CYP3A4: variants seen among roughly 807,000 people sequenced by gnomAD.
The protein encoded by CYP3A4 is cytochrome P450 3A4.
Under a neutral mutation model 54.9 loss-of-function variants are expected in CYP3A4, and 41 were observed. The observed-to-expected ratio is 0.75, with a 90% confidence interval of 0.58 to 0.97. The LOEUF is 0.97. CYP3A4 is among the 50% of genes least tolerant of loss of function. CYP3A4 has a pLI of 0.00. For synonymous variants in CYP3A4, 179 were observed against 205.2 expected, an observed-to-expected ratio of 0.87 and a Z score of 1.09; for missense variants, 510 against 597.3, an observed-to-expected ratio of 0.85 and a Z score of 1.52.
At chr7:99,777,211 A>C (rs1359819679) in intron 3 of CYP3A4, among the ~76,000 whole-genome samples, 1 of 152,132 alleles carries the variant, frequency 6.6e-6, no homozygotes, top group Non-Finnish European at 1.5e-5. Flanking sequence ...AGCACATATT[A>C]GAAGGGTCTG....
rs755966203 is a variant in CYP3A4, at chr7:99,770,188, C to A, written c.366G>T (p.Glu122Asp). ...ATCGTAATCTCTTCCATTCTTCATC[C>A]TCAGCTATAGAGATGGCACTTTTCA... ...GFMKSAISIA[E>D]DEEWKRLRSL... The change falls in exon 5 of 13, where the codon GAG becomes GAT. Residue 122 changes from glutamate to aspartate, a missense_variant. Around this residue, in one of 2 missense-constraint regions of CYP3A4, gnomAD observed 272 missense variants for 274.9 expected, o/e 0.99. Transcript: ENST00000651514. The A allele has an allele frequency of 4.3e-6, 7 of 1,613,764 alleles. No individual in the cohort carries two copies. The highest frequency in any genetic ancestry group is 5.9e-6 in the Non-Finnish European group (7 of 1,179,800).
chr7:99,763,845 A>G lies in CYP3A4; in HGVS notation c.1026+10T>C. The G allele has an allele frequency of 6.2e-7, 1 of 1,613,930 alleles. No homozygotes were observed. The highest frequency in any genetic ancestry group is 8.5e-7 in the Non-Finnish European group (1 of 1,179,928). On this transcript the variant is annotated intron_variant, in intron 10 of 12. Transcript: ENST00000651514. ...CCTCCTCCCTCCTTCTCCATGTACC[A>G]TCCACTCACCTTATTGGGTAAAACT... is the stretch of plus-strand genomic sequence containing the variant.
intron 8 of CYP3A4, 79 bp from the exon 9 acceptor site, chr7:99,766,522 C>T: frequency 1.9e-6 from 3 of 1,573,078 alleles, no homozygotes; most frequent in Non-Finnish European, 2.6e-6. Context: ...GGTCCTTGAT[C>T]TCCCTTCTGA....
Position 99,778,409 on chromosome 7 carries a change from C to T in CYP3A4, c.166-329G>A, listed in dbSNP as rs187795883. On this transcript the variant is annotated intron_variant, in intron 2 of 12. Transcript: ENST00000651514. ...AATCTCATGAATCCCTGAATGATCA[C>T]CTCCAGGGGCACATGGGGAAACTGA... Among the ~76,000 whole-genome samples the T allele has an allele frequency of 4.6e-5, 7 of 152,278 alleles. No individual in the cohort carries two copies. The East Asian group carries it at 1.4e-3, about 29-fold the overall frequency.
chr7:99,781,428 A>G (rs1167778848), intron 1 of CYP3A4, among the ~76,000 whole-genome samples: 2 of 152,196 alleles, frequency 1.3e-5, no homozygotes, highest in Non-Finnish European at 2.9e-5. Flanking sequence ...GCATCTGCCC[A>G]TCAACTATCT....
intron 1 of CYP3A4, among the ~76,000 whole-genome samples, chr7:99,783,783 A>G (rs537518285): frequency 5.3e-5 from 8 of 151,758 alleles, no homozygotes; most frequent in Non-Finnish European, 1.2e-4. Context: ...TAATTTTTGT[A>G]TTTTTAGTAG....
chr7:99,770,000 A>G, intron 5 of CYP3A4, 122 bp downstream of exon 5: 1 of 1,536,800 alleles, frequency 6.5e-7, no homozygotes, highest in Non-Finnish European at 9.0e-7. Flanking sequence ...ATAAAAGACC[A>G]TTTTTAGGCA....
At chr7:99,776,957 A>G (rs1470589494) in intron 3 of CYP3A4, among the ~76,000 whole-genome samples, 3 of 152,244 alleles carry the variant, frequency 2.0e-5, no homozygotes, top group Non-Finnish European at 4.4e-5. Context: ...AGAAATGCTT[A>G]TATACCCTTC....
intron 12 of CYP3A4, among the ~76,000 whole-genome samples, chr7:99,759,278 T>C (rs1815255721): frequency 6.6e-6 from 1 of 152,240 alleles, no homozygotes; most frequent in Non-Finnish European, 1.5e-5. Context: ...TAGGGTATTG[T>C]TTAATATGAA....
intron 3 of CYP3A4, among the ~76,000 whole-genome samples, chr7:99,775,590 GA>G (rs1476322641): frequency 2.0e-5 from 3 of 152,154 alleles, no homozygotes; most frequent in Admixed American, 6.5e-5. Flanking sequence ...AAGCAATGGG[GA>G]AAAGATTTCC....
intron 7 of CYP3A4, among the ~76,000 whole-genome samples, chr7:99,767,847 T>G (rs1815513647): frequency 6.6e-6 from 1 of 152,180 alleles, no homozygotes; most frequent in Admixed American, 6.6e-5. Flanking sequence ...TCATGGGATT[T>G]AGCAAAGGAA....
chr7:99,777,035 T>C (rs2151564788), intron 3 of CYP3A4, among the ~76,000 whole-genome samples: 1 of 152,142 alleles, frequency 6.6e-6, no homozygotes, highest in Non-Finnish European at 1.5e-5. Context: ...GCAGATAAAA[T>C]TAAAAAACAA....
chr7:99,758,003 CGG>C lies in CYP3A4; in HGVS notation c.*128_*129del. 4.1e-6 allele frequency: 3 copies of C among 733,114 alleles called. No homozygotes were observed. Among genetic ancestry groups the C allele is most frequent in the Non-Finnish European group, 7.1e-6 (3 of 423,940 alleles). 45.4% of individuals were successfully genotyped at this position (733,114 alleles called of 1,614,324 possible). ...GAGCTCAATGCATGTACAGAATCCCCGGTTATTTATGCAGTCCATTGGATGAA... is the reference window on the plus strand; with the variant it reads ...GAGCTCAATGCATGTACAGAATCCCCTTATTTATGCAGTCCATTGGATGAA... On this transcript the variant is annotated 3_prime_UTR_variant, in exon 13 of 13. Coordinates refer to ENST00000651514, the MANE Select transcript of CYP3A4 (RefSeq NM_017460.6).
At chr7:99,760,490 GGTAATCAT>G (rs1310824925) in intron 12 of CYP3A4, among the ~76,000 whole-genome samples, 1 of 152,074 alleles carries the variant, frequency 6.6e-6, no homozygotes, top group Non-Finnish European at 1.5e-5. Context: ...GTCACAACAA[GGTAATCAT>G]TACACTTCAT....
rs1815478922 is a variant in CYP3A4, at chr7:99,766,415, A to G, written c.827T>C (p.Ile276Thr). The G allele has an allele frequency of 1.9e-6, 3 of 1,613,730 alleles. No individual in the cohort carries two copies. Among genetic ancestry groups the G allele is most frequent in the Non-Finnish European group, 2.5e-6 (3 of 1,179,722 alleles). ...AGTTTCTTTTGAATTCTGAGAGTCA[A>G]TCATCAGCTGAAGGAAATCCACTCG... ...KHRVDFLQLMIDSQNSKETES... is the reference protein window; with the variant it reads ...KHRVDFLQLMTDSQNSKETES... Residue 276 changes from isoleucine (I) to threonine (T), a missense_variant, in exon 9 of 13, where the codon ATT (isoleucine) becomes ACT (threonine). Physicochemically the swap from Ile to Thr is moderately conservative, Grantham distance 89. Coordinates refer to ENST00000651514, the MANE Select transcript of CYP3A4 (RefSeq NM_017460.6).
chr7:99,769,913 G>T (rs186737047), intron 5 of CYP3A4, 57 bp from the exon 6 acceptor site: 3 of 1,611,946 alleles, frequency 1.9e-6, no homozygotes, highest in Non-Finnish European at 2.5e-6. Context: ...AGTCCCAGAA[G>T]GACATGGCTT....
Position 99,764,032 on chromosome 7 carries a change from G to C in CYP3A4, c.866-17C>G. 6.2e-7 allele frequency: 1 copy of C among 1,613,714 alleles called. No individual in the cohort carries two copies. Among genetic ancestry groups the C allele is most frequent in the Non-Finnish European group, 8.5e-7 (1 of 1,179,770 alleles). On this transcript the variant is annotated splice_polypyrimidine_tract_variant and intron_variant, in intron 9 of 12. Coordinates refer to ENST00000651514, the MANE Select transcript of CYP3A4 (RefSeq NM_017460.6). ...CGGACAGAGCTGAAAGGAGAGGAAA[G>C]ACATTTTAGGTAAATCAGATCAATG...
chr7:99,769,815 T>A lies in CYP3A4; in HGVS notation c.474A>T (p.Arg158Ser). Residue 158 changes from arginine (R) to serine (S), a missense_variant, in exon 6 of 13, where the codon AGA becomes AGT. Around this residue, in one of 2 missense-constraint regions of CYP3A4, gnomAD observed 272 missense variants for 274.9 expected, o/e 0.99. Transcript: ENST00000651514. ...IIAQYGDVLV[R>S]NLRREAETGK... Reference sequence around the variant, plus strand: ...CTGTCTCTGCTTCCCGCCTCAGATTTCTCACCAACACATCTCCATACTGGG... The same window carrying A: ...CTGTCTCTGCTTCCCGCCTCAGATTACTCACCAACACATCTCCATACTGGG... The A allele has an allele frequency of 2.5e-6, 4 of 1,613,922 alleles. No homozygotes were observed. The highest frequency in any genetic ancestry group is 3.4e-6 in the Non-Finnish European group (4 of 1,179,886).
Position 99,768,351 on chromosome 7 carries a change from T to A in CYP3A4, c.670+3A>T. 6.2e-7 allele frequency: 1 copy of A among 1,613,256 alleles called. No individual in the cohort carries two copies. Among genetic ancestry groups the A allele is most frequent in the Non-Finnish European group, 8.5e-7 (1 of 1,179,284 alleles). ...AAATAAAAGGAAATAGTAGTCCACA[T>A]ACTTATTGAGAGAAAGAATGGATCC... is the stretch of plus-strand genomic sequence containing the variant. On this transcript the variant is annotated splice_donor_region_variant and intron_variant, in intron 7 of 12. Coordinates refer to ENST00000651514, the MANE Select transcript of CYP3A4 (RefSeq NM_017460.6).
Sources: allele counts gnomAD v4.1 joint callset (sites outside exome capture counted in the v4.1 genomes callset), GRCh38; gene constraint gnomAD v4.1.1; regional missense constraint gnomAD v4.1.1; transcripts MANE v1.5; gene names NCBI Gene and HGNC (gene_info 2026-07-23, HGNC 2026-07-21).